TOP1: variants seen among roughly 807,000 people sequenced by gnomAD.
TOP1 encodes the protein DNA topoisomerase I.
TOP1 carries 10 observed loss-of-function variants against 111.1 expected under a neutral mutation model. The observed-to-expected ratio is 0.09, with a 90% CI of 0.06 to 0.15. TOP1 has a LOEUF of 0.15. Among genes scored for constraint, TOP1 ranks in the 10% least tolerant of loss-of-function variants. TOP1 has a pLI of 1.00. For synonymous variants in TOP1, 271 were observed against 302.9 expected, an observed-to-expected ratio of 0.89 and a Z score of 1.10; for missense variants, 474 against 926.7, an observed-to-expected ratio of 0.51 and a Z score of 6.34.
At chr20:41,035,451 C>G (rs1010482264) in intron 2 of TOP1, among the ~76,000 whole-genome samples, 4 of 152,250 alleles carry the variant, frequency 2.6e-5, no homozygotes, top group Middle Eastern at 3.4e-3. Flanking sequence ...TAAGAAACAC[C>G]TAGGTAAGCT....
At chr20:41,119,789 G>T (rs1359544372) in intron 18 of TOP1, among the ~76,000 whole-genome samples, 3 of 152,210 alleles carry the variant, frequency 2.0e-5, no homozygotes, top group African/African-American at 4.8e-5. Context: ...TGATTGGCAG[G>T]CAAAGAACTC....
Position 41,040,460 on chromosome 20 carries a change from C to G in TOP1, c.58+11005C>G, listed in dbSNP as rs181566625. On this transcript the variant is annotated intron_variant, in intron 2 of 20. Coordinates refer to ENST00000361337, the MANE Select transcript of TOP1 (RefSeq NM_003286.4). The stretch of plus-strand genomic sequence containing the variant: ...ATCTATTTCTTAATTTTTAATGCTT[C>G]CACTTAACCAGGAGAGGAAAGGGAG... 9.3e-3 allele frequency among the ~76,000 whole-genome samples: 1,410 copies of G among 152,210 alleles called. 11 individuals are homozygous for G. The highest frequency in any genetic ancestry group is 0.015 in the Non-Finnish European group (1,033 of 68,012).
At position 41,037,979 on chromosome 20, in the gene TOP1, A is replaced by T. The variant is rs2033210531; in HGVS notation, c.58+8524A>T. On this transcript the variant is annotated intron_variant, in intron 2 of 20. Transcript: ENST00000361337. ...TTCAAAGATAAACATATCAGGAAAAATATAGCTCATAAAATATGGGGAAAA... is the reference window on the plus strand; with the variant it reads ...TTCAAAGATAAACATATCAGGAAAATTATAGCTCATAAAATATGGGGAAAA... Among the ~76,000 whole-genome samples the T allele has an allele frequency of 2.0e-5, 3 of 152,216 alleles. No homozygotes were observed. In the South Asian group the frequency reaches 6.2e-4, roughly 32 times the overall value.
chr20:41,044,633 A>C (rs1163690634), intron 2 of TOP1, among the ~76,000 whole-genome samples: 1 of 152,210 alleles, frequency 6.6e-6, no homozygotes, highest in Non-Finnish European at 1.5e-5. Flanking sequence ...AAAGTCCTTG[A>C]CTGGGCTGCA....
chr20:41,082,664 G>A lies in TOP1; in HGVS notation c.507+1424G>A, dbSNP rs915520999. On this transcript the variant is annotated intron_variant, in intron 7 of 20. Transcript: ENST00000361337. The surrounding 1 kb of genome is among the most constrained non-coding windows in gnomAD (Gnocchi z 4.1). ...CAGGTCCTGAATTTAGAAGGTTGCC[G>A]TTTTTTTGACAACTAGTCTATTCTT... Among the ~76,000 whole-genome samples, 4 of 152,120 alleles carry A rather than the reference G, an allele frequency of 2.6e-5. No homozygotes were observed. The highest frequency in any genetic ancestry group is 7.2e-5 in the African/African-American group (3 of 41,418).
In TOP1 at chr20:41,106,535, C is replaced by T. The variant is rs1392954921; in HGVS notation, c.1308+5182C>T. Among the ~76,000 whole-genome samples the T allele has an allele frequency of 6.6e-6, 1 of 152,124 alleles. No individual in the cohort carries two copies. Among genetic ancestry groups the T allele is most frequent in the African/African-American group, 2.4e-5 (1 of 41,438 alleles). ...GTTTCCAATTCACGAACATGTTATACCTCTCCATTAATTCATGTCTTTTGA... is the reference window on the plus strand; with the variant it reads ...GTTTCCAATTCACGAACATGTTATATCTCTCCATTAATTCATGTCTTTTGA... On this transcript the variant is annotated intron_variant, in intron 13 of 20. Transcript: ENST00000361337. This position sits in a 1 kb window ranked among gnomAD's most constrained non-coding sequence, Gnocchi z 4.3.
intron 13 of TOP1, among the ~76,000 whole-genome samples, chr20:41,104,227 T>G (rs1473898712): frequency 6.6e-6 from 1 of 152,172 alleles, no homozygotes; most frequent in African/African-American, 2.4e-5. Context: ...AACCTGGGAT[T>G]TAAAGAGGGA....
At position 41,044,976 on chromosome 20, in the gene TOP1, C is replaced by T. The variant is rs901909641; in HGVS notation, c.58+15521C>T. The stretch of plus-strand genomic sequence containing the variant: ...CCAGTTTTTTTGTATTTAGTAGAGA[C>T]GGGGTTTTGCCATGTTGACCAGGTT... On this transcript the variant is annotated intron_variant, in intron 2 of 20. Transcript: ENST00000361337. Among the ~76,000 whole-genome samples the T allele has an allele frequency of 3.9e-5, 6 of 152,130 alleles. No individual in the cohort carries two copies. The East Asian group carries it at 5.8e-4, about 15-fold the overall frequency.
intron 18 of TOP1, among the ~76,000 whole-genome samples, chr20:41,119,630 A>C (rs2034390473): frequency 7.6e-6 from 1 of 131,526 alleles, no homozygotes; most frequent in Non-Finnish European, 1.8e-5. Flanking sequence ...GATTTCCTTA[A>C]GATAAGTACC....
chr20:41,101,986 T>C lies in TOP1; in HGVS notation c.1308+633T>C, dbSNP rs2034070454. 6.6e-6 allele frequency among the ~76,000 whole-genome samples: 1 copy of C among 152,246 alleles called. No homozygotes were observed. Among genetic ancestry groups the C allele is most frequent in the African/African-American group, 2.4e-5 (1 of 41,460 alleles). ...AATCAGTTTTTGTTTGCCAGATAGC[T>C]ATGTATATCTAGCTTTGGAGAGTCC... On this transcript the variant is annotated intron_variant, in intron 13 of 20. Transcript: ENST00000361337. This position sits in a 1 kb window ranked among gnomAD's most constrained non-coding sequence, Gnocchi z 4.1.
chr20:41,055,747 T>TTTACA (rs1309416473), intron 2 of TOP1, among the ~76,000 whole-genome samples: 1 of 152,234 alleles, frequency 6.6e-6, no homozygotes, highest in Non-Finnish European at 1.5e-5. Flanking sequence ...CAAATGTGCT[T>TTTACA]TTACATTTTT....
chr20:41,099,943 A>G (rs375744801), intron 11 of TOP1, 113 bp from the exon 12 acceptor site: 35 of 656,092 alleles, frequency 5.3e-5, no homozygotes, highest in Non-Finnish European at 7.3e-5. Flanking sequence ...TTTATTTTTT[A>G]GTGATTTTTC....
intron 8 of TOP1, among the ~76,000 whole-genome samples, chr20:41,091,266 T>C (rs2033916575): frequency 6.6e-6 from 1 of 152,210 alleles, no homozygotes; most frequent in African/African-American, 2.4e-5. Flanking sequence ...AGTTATCTAT[T>C]CGAGTAAAAG....
rs1277149564 is a variant in TOP1 at position 41,109,738 on chromosome 20, G to A, written c.1309-3044G>A. On this transcript the variant is annotated intron_variant, in intron 13 of 20. Transcript: ENST00000361337. This position sits in a 1 kb window ranked among gnomAD's most constrained non-coding sequence, Gnocchi z 4.1. Reference sequence around the variant, plus strand: ...GAGTGCTCGACATCACTAATTATCAGTGGAGTGAAGATTTAACCACAGGGA... The same window carrying A: ...GAGTGCTCGACATCACTAATTATCAATGGAGTGAAGATTTAACCACAGGGA... 6.6e-6 allele frequency among the ~76,000 whole-genome samples: 1 copy of A among 152,224 alleles called. No homozygotes were observed. The highest frequency in any genetic ancestry group is 1.5e-5 in the Non-Finnish European group (1 of 68,038).
At position 41,118,135 on chromosome 20, in the gene TOP1, T is replaced by C; in HGVS notation, c.1823-34T>C. 6.2e-7 allele frequency: 1 copy of C among 1,606,158 alleles called. No homozygotes were observed. Among genetic ancestry groups the C allele is most frequent in the Non-Finnish European group, 8.5e-7 (1 of 1,174,308 alleles). ...GTGTGTTCACTTTTGGTGTACAAAC[T>C]GACCCTCTTGCTACCATGTTCCTTT... On this transcript the variant is annotated intron_variant, in intron 17 of 20. Coordinates refer to ENST00000361337, the MANE Select transcript of TOP1 (RefSeq NM_003286.4). This position sits in a 1 kb window ranked among gnomAD's most constrained non-coding sequence, Gnocchi z 4.6.
intron 3 of TOP1, chr20:41,072,236 G>A: frequency 1.0e-6 from 1 of 985,170 alleles, no homozygotes; most frequent in Non-Finnish European, 1.2e-6. Flanking sequence ...TTGTGACTTT[G>A]ACATATTGTG....
chr20:41,050,006 T>C lies in TOP1; in HGVS notation c.59-11388T>C, dbSNP rs532305967. On this transcript the variant is annotated intron_variant, in intron 2 of 20. Coordinates refer to ENST00000361337, the MANE Select transcript of TOP1 (RefSeq NM_003286.4). The stretch of plus-strand genomic sequence containing the variant: ...AAAATTGGAAATGTTACTAGTCTCT[T>C]CTCTCATTCTTTTGTTTTGTTTTAT... Among the ~76,000 whole-genome samples, 77 of 152,276 alleles carry C rather than the reference T, an allele frequency of 5.1e-4. No homozygotes were observed. The Middle Eastern group carries it at 0.014, about 27-fold the overall frequency.
Position 41,098,297 on chromosome 20 carries a change from A to T in TOP1, c.935A>T (p.Gln312Leu). The T allele has an allele frequency of 1.2e-6, 2 of 1,614,078 alleles. No individual in the cohort carries two copies. Among genetic ancestry groups the T allele is most frequent in the Non-Finnish European group, 1.7e-6 (2 of 1,179,930 alleles). The change falls in exon 11 of 21, where the codon CAG (glutamine) becomes CTG (leucine). Residue 312 changes from glutamine (Q) to leucine (L), a missense_variant. By Grantham distance (113) the Gln-to-Leu change is moderately radical (BLOSUM62 -2). Coordinates refer to ENST00000361337, the MANE Select transcript of TOP1 (RefSeq NM_003286.4). This position sits in a 1 kb window ranked among gnomAD's most constrained non-coding sequence, Gnocchi z 5.7. ...CAGATGAGCCAGTATTTCAAAGCCC[A>T]GACGGAAGCTCGGAAACAGATGAGC... The part of the protein sequence containing the change: ...FTQMSQYFKA[Q>L]TEARKQMSKE...
intron 7 of TOP1, among the ~76,000 whole-genome samples, chr20:41,081,601 G>T (rs980491752): frequency 1.3e-5 from 2 of 152,168 alleles, no homozygotes; most frequent in Admixed American, 1.3e-4. Context: ...ATTTCCCTAA[G>T]AATTTTTTGC....
Sources: gnomAD v4.1 joint callset for allele counts (sites outside exome capture counted in the v4.1 genomes callset) on GRCh38, gnomAD v4.1.1 for gene constraint, Gnocchi (gnomAD v3.1) non-coding constraint, MANE v1.5 for transcripts, NCBI Gene and HGNC (gene_info 2026-07-23, HGNC 2026-07-21) for gene names.